The following OTUD7B variants were observed in gnomAD, a reference collection of about 807,000 sequenced individuals.
OTUD7B encodes the protein OTU domain-containing protein 7B.
OTUD7B carries 34 observed loss-of-function variants against 82.2 expected under a neutral mutation model. That is an observed-to-expected ratio of 0.41 (90% CI 0.31 to 0.55). OTUD7B has a LOEUF of 0.55. Among genes scored for constraint, OTUD7B ranks in the 20% least tolerant of loss-of-function variants. The pLI is 0.20. For missense variants in OTUD7B, 944 were observed against 1,062.1 expected (o/e 0.89, Z 1.55); for synonymous variants, 398 against 402.7 (o/e 0.99, Z 0.14).
chr1:149,966,349 A>T (rs1027720521), intron 4 of OTUD7B, among the ~76,000 whole-genome samples: 3 of 152,042 alleles, frequency 2.0e-5, no homozygotes, highest in African/African-American at 7.3e-5. Flanking sequence ...CCTTCCCTCC[A>T]CTCAGGAGAC....
At position 149,971,113 on chromosome 1, in the gene OTUD7B, G is replaced by C; in HGVS notation, c.224C>G (p.Pro75Arg). The change falls in exon 3 of 12, where the codon CCT becomes CGT. Residue 75 changes from proline (P) to arginine (R), a missense_variant. Around this residue, in one of 3 missense-constraint regions of OTUD7B, gnomAD observed 530 missense variants for 625.6 expected, o/e 0.85. Coordinates refer to ENST00000581312, the MANE Select transcript of OTUD7B (RefSeq NM_020205.4). ...TPEKGFSDREPTRPPRPILQR... is the reference protein window; with the variant it reads ...TPEKGFSDRERTRPPRPILQR... ...GAGGATGGGTCGGGGAGGGCGAGTAGGCTCTCTGTCAGAAAACCCTTTTTC... is the reference window on the plus strand; with the variant it reads ...GAGGATGGGTCGGGGAGGGCGAGTACGCTCTCTGTCAGAAAACCCTTTTTC... 1 of 1,613,430 alleles carries C rather than the reference G, an allele frequency of 6.2e-7. No individual in the cohort carries two copies. Among genetic ancestry groups the C allele is most frequent in the Non-Finnish European group, 8.5e-7 (1 of 1,179,466 alleles).
intron 1 of OTUD7B, among the ~76,000 whole-genome samples, chr1:149,982,841 CTTTTTTTTTTT>C (rs34122678): frequency 3.6e-5 from 3 of 84,176 alleles, no homozygotes; most frequent in Admixed American, 4.0e-4. Context: ...TCCTCTCTTA[CTTTTTTTTTTT>C]TTTTTTTTTT....
At chr1:149,946,378 T>A (rs1240971657) in intron 11 of OTUD7B, among the ~76,000 whole-genome samples, 3 of 151,914 alleles carry the variant, frequency 2.0e-5, no homozygotes, top group African/African-American at 4.8e-5. Context: ...AATATATATA[T>A]GTTTTAGTAT....
At chr1:149,975,014 C>A (rs1432773842) in intron 2 of OTUD7B, among the ~76,000 whole-genome samples, 1 of 152,038 alleles carries the variant, frequency 6.6e-6, no homozygotes, top group East Asian at 1.9e-4. Context: ...CTATTTTCTG[C>A]TTCCTGCCTA....
the OTUD7B span, among the ~76,000 whole-genome samples, chr1:150,064,334 TTTC>T: frequency 1.3e-5 from 2 of 152,264 alleles, no homozygotes; most frequent in African/African-American, 2.4e-5. Context: ...CCTTTCTTTC[TTTC>T]TCTTTCTTTC....
In OTUD7B at chr1:149,944,190, C is replaced by G; in HGVS notation, c.2199G>C (p.Gln733His). The G allele has an allele frequency of 6.2e-7, 1 of 1,613,816 alleles. No individual in the cohort carries two copies. Among genetic ancestry groups the G allele is most frequent in the Non-Finnish European group, 8.5e-7 (1 of 1,179,790 alleles). Residue 733 changes from glutamine to histidine, a missense_variant, in exon 12 of 12, where the codon CAG (glutamine) becomes CAC (histidine). Around this residue, in one of 3 missense-constraint regions of OTUD7B, gnomAD observed 412 missense variants for 418.7 expected, o/e 0.98. Coordinates refer to ENST00000581312, the MANE Select transcript of OTUD7B (RefSeq NM_020205.4). ...GGGGGTAGGGTCGCCCAGGAGGGCA[C>G]TGTCTGGGGAAGGTGGCATATGGTG... ...GLPPYATFPRQCPPGRPYPHQ... is the reference protein window; with the variant it reads ...GLPPYATFPRHCPPGRPYPHQ...
At chr1:150,057,496 G>C in the OTUD7B span, among the ~76,000 whole-genome samples, 1 of 152,168 alleles carries the variant, frequency 6.6e-6, no homozygotes, top group South Asian at 2.1e-4. Flanking sequence ...GAGTTGACTA[G>C]TGTCACTGGC....
chr1:149,990,828 C>T (rs1651515728), intron 1 of OTUD7B, among the ~76,000 whole-genome samples: 1 of 152,016 alleles, frequency 6.6e-6, no homozygotes, highest in African/African-American at 2.4e-5. Flanking sequence ...CCCGTCTCTA[C>T]TAAATACAAA....
chr1:149,950,301 T>G, intron 7 of OTUD7B, 80 bp from the exon 8 acceptor site: 1 of 1,409,104 alleles, frequency 7.1e-7, no homozygotes, highest in Non-Finnish European at 9.8e-7. Context: ...GAAGACCAGT[T>G]CTGCAGAAAG....
At chr1:150,006,390 G>A (rs1489178526) in intron 1 of OTUD7B, among the ~76,000 whole-genome samples, 3 of 152,208 alleles carry the variant, frequency 2.0e-5, no homozygotes, top group Non-Finnish European at 2.9e-5. Flanking sequence ...CTGGGAGGCA[G>A]AGCTTGCAGT....
intron 4 of OTUD7B, among the ~76,000 whole-genome samples, chr1:149,966,158 G>A (rs890678214): frequency 1.3e-5 from 2 of 152,204 alleles, no homozygotes; most frequent in Non-Finnish European, 2.9e-5. Context: ...GGATGCTACT[G>A]GTATCTAATG....
intron 1 of OTUD7B, among the ~76,000 whole-genome samples, chr1:150,005,029 A>AT (rs1553785780): frequency 6.6e-6 from 1 of 151,620 alleles, no homozygotes; most frequent in African/African-American, 2.4e-5. Flanking sequence ...TGCCTGGCCT[A>AT]TTTTTTTATT....
intron 7 of OTUD7B, 62 bp downstream of exon 7, chr1:149,959,622 G>A (rs4926400): frequency 0.17 from 164,298 of 972,684 alleles, 16,942 homozygotes; most frequent in East Asian, 0.38. Context: ...TAGACACTGG[G>A]CTGTGGAAGC....
chr1:149,998,575 G>A (rs1652066816), intron 1 of OTUD7B, among the ~76,000 whole-genome samples: 1 of 152,170 alleles, frequency 6.6e-6, no homozygotes, highest in Admixed American at 6.6e-5. Context: ...TACCATAAAG[G>A]TAAAACTTTT....
At chr1:149,978,138 T>C (rs1650453113) in intron 1 of OTUD7B, among the ~76,000 whole-genome samples, 4 of 152,252 alleles carry the variant, frequency 2.6e-5, no homozygotes. Flanking sequence ...ACAATTACTA[T>C]ACACTGGATA....
the OTUD7B span, among the ~76,000 whole-genome samples, chr1:150,036,145 G>T: frequency 1.3e-5 from 2 of 151,572 alleles, no homozygotes; most frequent in Non-Finnish European, 2.9e-5. Context: ...GTAGAGATGG[G>T]GTATTGCCAT....
At position 149,944,046 on chromosome 1, in the gene OTUD7B, C is replaced by G. The variant is rs782141797; in HGVS notation, c.2343G>C (p.Glu781Asp). ...VADSYSNGYR[E>D]PPEPDGWAGG... ...CAGCCCATCCATCTGGCTCAGGGGG[C>G]TCTCTGTAGCCATTGCTATAGGAAT... Residue 781 changes from glutamate (E) to aspartate (D), a missense_variant, in exon 12 of 12, where the codon GAG becomes GAC. Glu to Asp is a conservative substitution (Grantham distance 45). This residue lies in a region of OTUD7B where 412 missense variants were observed against 418.7 expected (regional missense o/e 0.98). Transcript: ENST00000581312. 1 of 1,614,204 alleles carries G rather than the reference C, an allele frequency of 6.2e-7. No individual in the cohort carries two copies. Among genetic ancestry groups the G allele is most frequent in the Admixed American group, 1.7e-5 (1 of 60,030 alleles).
intron 3 of OTUD7B, among the ~76,000 whole-genome samples, chr1:149,968,610 G>A (rs988738689): frequency 1.8e-4 from 27 of 152,176 alleles, no homozygotes; most frequent in Non-Finnish European, 3.7e-4. Flanking sequence ...AGCATGTTGG[G>A]CTGTTCTTAA....
At chr1:149,949,430 G>A (rs1553772816) in intron 9 of OTUD7B, among the ~76,000 whole-genome samples, 199 bp downstream of exon 9, 2 of 150,336 alleles carry the variant, frequency 1.3e-5, no homozygotes, top group African/African-American at 4.9e-5. Context: ...TACTCCAGAA[G>A]AGGGTATATA....
Sources: allele counts gnomAD v4.1 joint callset (sites outside exome capture counted in the v4.1 genomes callset), GRCh38; gene constraint gnomAD v4.1.1; regional missense constraint gnomAD v4.1.1; transcripts MANE v1.5; gene names NCBI Gene and HGNC (gene_info 2026-07-23, HGNC 2026-07-21).